The following IQCH variants were observed in gnomAD, a reference collection of about 807,000 sequenced individuals.
The protein encoded by IQCH is IQ domain-containing protein H.
IQCH carries 98 observed loss-of-function variants against 117.0 expected under a neutral mutation model. That is an observed-to-expected ratio of 0.84 (90% CI 0.71 to 0.99). The LOEUF (loss-of-function observed/expected upper bound fraction) is 0.99, where lower values mean the gene tolerates loss of function less well. Ranked by LOEUF, IQCH falls within the 50% of genes least tolerant of loss-of-function variation. The probability of loss-of-function intolerance (pLI) is 0.00; values close to 1 mark genes in which losing one functional copy is unlikely to be tolerated. For missense variants in IQCH, 1,102 were observed against 1,243.8 expected, an observed-to-expected ratio of 0.89 and a Z score of 1.72; for synonymous variants, 412 against 448.2, an observed-to-expected ratio of 0.92 and a Z score of 1.02.
At chr15:67,329,654 A>T (rs1372423305) in intron 4 of IQCH, among the ~76,000 whole-genome samples, 3 of 151,860 alleles carry the variant, frequency 2.0e-5, no homozygotes, top group South Asian at 2.1e-4. Context: ...TTTTTTGTGG[A>T]GCCTGGATCT....
rs954433816 is a variant in IQCH at position 67,391,542 on chromosome 15, A to G, written c.1632+2536A>G. 6.6e-6 allele frequency among the ~76,000 whole-genome samples: 1 copy of G among 152,214 alleles called. No homozygotes were observed. The highest frequency in any genetic ancestry group is 2.4e-5 in the African/African-American group (1 of 41,462). On this transcript the variant is annotated intron_variant, in intron 12 of 20. Coordinates refer to ENST00000335894, the MANE Select transcript of IQCH (RefSeq NM_001031715.3). This position sits in a 1 kb window ranked among gnomAD's most constrained non-coding sequence, Gnocchi z 4.3. ...CATTATGTCTATTTTTAGACATTTCAGTGTTTATGAAGACATCCTAAACAA... is the reference window on the plus strand; with the variant it reads ...CATTATGTCTATTTTTAGACATTTCGGTGTTTATGAAGACATCCTAAACAA...
Position 67,279,492 on chromosome 15 carries a change from C to T in IQCH, c.367C>T (p.Pro123Ser), listed in dbSNP as rs747452749. 7 of 1,595,284 alleles carry T rather than the reference C, an allele frequency of 4.4e-6. No individual in the cohort carries two copies. In the East Asian group the frequency reaches 9.0e-5, roughly 21 times the overall value. ...CCAAAGACAGCACAGTTCATCTCTG[C>T]CTGTCTTTCCAAGAGCAAAGGTAGG... ...QPQRQHSSSL[P>S]VFPRAKIKVS... Residue 123 changes from proline (P) to serine (S), a missense_variant, in exon 4 of 21, where the codon CCT becomes TCT. Around this residue, in one of 2 missense-constraint regions of IQCH, gnomAD observed 452 missense variants for 449.6 expected, o/e 1.01. Transcript: ENST00000335894.
At chr15:67,435,649 G>T (rs2140952350) in intron 16 of IQCH, among the ~76,000 whole-genome samples, 1 of 152,158 alleles carries the variant, frequency 6.6e-6, no homozygotes, top group Non-Finnish European at 1.5e-5. Flanking sequence ...GAGGCAGGTG[G>T]ATCACTTGAG....
chr15:67,447,163 G>A lies in IQCH; in HGVS notation c.2506-17964G>A, dbSNP rs1487629256. On this transcript the variant is annotated intron_variant, in intron 16 of 20. Coordinates refer to ENST00000335894, the MANE Select transcript of IQCH (RefSeq NM_001031715.3). This position sits in a 1 kb window ranked among gnomAD's most constrained non-coding sequence, Gnocchi z 5.3. ...TCAATTTTCCCTTCATAAAATGGGA[G>A]TATGAATACCAAACCCATAAAGTTG... Among the ~76,000 whole-genome samples, 1 of 152,204 alleles carries A rather than the reference G, an allele frequency of 6.6e-6. No homozygotes were observed. Among genetic ancestry groups the A allele is most frequent in the Non-Finnish European group, 1.5e-5 (1 of 68,038 alleles).
At position 67,445,456 on chromosome 15, in the gene IQCH, T is replaced by C. The variant is rs943653931; in HGVS notation, c.2506-19671T>C. On this transcript the variant is annotated intron_variant, in intron 16 of 20. Transcript: ENST00000335894. This position sits in a 1 kb window ranked among gnomAD's most constrained non-coding sequence, Gnocchi z 4.3. ...TCATGTCTGGTTTTTTTGTTTGTTT[T>C]TGAGATGGAGTCTTGCTCTGTCGCC... is the stretch of plus-strand genomic sequence containing the variant. Among the ~76,000 whole-genome samples the C allele has an allele frequency of 1.4e-5, 2 of 146,058 alleles. No individual in the cohort carries two copies. The highest frequency in any genetic ancestry group is 5.0e-5 in the African/African-American group (2 of 39,884).
At chr15:67,420,161 T>C (rs1013407624) in intron 15 of IQCH, among the ~76,000 whole-genome samples, 1 of 152,246 alleles carries the variant, frequency 6.6e-6, no homozygotes. Context: ...GATTTGAATA[T>C]GTACACTCCA....
chr15:67,417,746 C>T lies in IQCH; in HGVS notation c.2218+695C>T, dbSNP rs78364403. On this transcript the variant is annotated intron_variant, in intron 15 of 20. Transcript: ENST00000335894. The surrounding 1 kb of genome is among the most constrained non-coding windows in gnomAD (Gnocchi z 4.3). Reference sequence around the variant, plus strand: ...CTGTCAGATGTTACACAGAGGCACACCTATGCAACGGCCCTCAGTCTCTAG... The same window carrying T: ...CTGTCAGATGTTACACAGAGGCACATCTATGCAACGGCCCTCAGTCTCTAG... 4.1e-4 allele frequency among the ~76,000 whole-genome samples: 62 copies of T among 152,214 alleles called. No homozygotes were observed. In the East Asian group the frequency reaches 8.1e-3, roughly 20 times the overall value.
Position 67,384,947 on chromosome 15 carries a change from C to A in IQCH, c.1384C>A (p.Pro462Thr). 1 of 1,610,130 alleles carries A rather than the reference C, an allele frequency of 6.2e-7. No homozygotes were observed. Among genetic ancestry groups the A allele is most frequent in the Non-Finnish European group, 8.5e-7 (1 of 1,176,710 alleles). Residue 462 changes from proline (P) to threonine (T), a missense_variant, in exon 11 of 21, where the codon CCT becomes ACT. Transcript: ENST00000335894. This position sits in a 1 kb window ranked among gnomAD's most constrained non-coding sequence, Gnocchi z 4.3. Reference protein sequence around the residue: ...IHIPSLGYSQPVREHIADFNT... With the variant: ...IHIPSLGYSQTVREHIADFNT... ...TGTTTGCCTTTTAGGGTATTCCCAG[C>A]CTGTGAGAGAACATATTGCCGATTT... is the stretch of plus-strand genomic sequence containing the variant.
At chr15:67,373,968 G>C (rs1268684759) in intron 10 of IQCH, 1 of 158,890 alleles carries the variant, frequency 6.3e-6, no homozygotes, top group Non-Finnish European at 1.4e-5. Context: ...TAATTAAGAA[G>C]TTGAATAGTG....
intron 16 of IQCH, 147 bp downstream of exon 16, chr15:67,421,724 C>A: frequency 1.3e-6 from 1 of 776,416 alleles, no homozygotes; most frequent in Non-Finnish European, 2.0e-6. Flanking sequence ...CCTATATGGC[C>A]CATGCGAATC....
intron 16 of IQCH, among the ~76,000 whole-genome samples, chr15:67,438,667 C>T (rs2082195152): frequency 1.3e-5 from 2 of 152,284 alleles, no homozygotes; most frequent in South Asian, 4.1e-4. Context: ...CTTCAGGAGA[C>T]TCATCTAACA....
rs1170990002 is a variant in IQCH, at chr15:67,476,154, A to G, written c.2799+336A>G. Among the ~76,000 whole-genome samples the G allele has an allele frequency of 6.6e-6, 1 of 152,236 alleles. No homozygotes were observed. The highest frequency in any genetic ancestry group is 2.4e-5 in the African/African-American group (1 of 41,466). ...TTCCTGATCCCACCCAAAGCTGCTT[A>G]TCAATGAATAGCTTCTGTCTTAGTC... is the stretch of plus-strand genomic sequence containing the variant. On this transcript the variant is annotated intron_variant, in intron 18 of 20. Coordinates refer to ENST00000335894, the MANE Select transcript of IQCH (RefSeq NM_001031715.3). This position sits in a 1 kb window ranked among gnomAD's most constrained non-coding sequence, Gnocchi z 4.1.
At chr15:67,296,287 A>C (rs1288856446) in intron 4 of IQCH, among the ~76,000 whole-genome samples, 1 of 152,204 alleles carries the variant, frequency 6.6e-6, no homozygotes, top group African/African-American at 2.4e-5. Context: ...TGACCAGAAG[A>C]CACTGAAGAG....
At chr15:67,294,502 T>C (rs1197514426) in intron 4 of IQCH, among the ~76,000 whole-genome samples, 1 of 152,146 alleles carries the variant, frequency 6.6e-6, no homozygotes, top group East Asian at 1.9e-4. Context: ...CCAGGGAATA[T>C]TTTGCTTTTC....
rs1004485670 is a variant in IQCH at position 67,473,850 on chromosome 15, C to T, written c.2677-1846C>T. Among the ~76,000 whole-genome samples, 11 of 152,024 alleles carry T rather than the reference C, an allele frequency of 7.2e-5. No homozygotes were observed. Among genetic ancestry groups the T allele is most frequent in the Admixed American group, 2.6e-4 (4 of 15,292 alleles). On this transcript the variant is annotated intron_variant, in intron 17 of 20. Transcript: ENST00000335894. This position sits in a 1 kb window ranked among gnomAD's most constrained non-coding sequence, Gnocchi z 4.9. ...AAAATCCCAATGGCTACAAATGGGA[C>T]GCTACAAGTGGGGTAAACAACTCAA...
At chr15:67,418,263 T>C (rs1323174891) in intron 15 of IQCH, among the ~76,000 whole-genome samples, 1 of 152,106 alleles carries the variant, frequency 6.6e-6, no homozygotes, top group Admixed American at 6.6e-5. Flanking sequence ...CTGTTGGTTA[T>C]TGGAATATAC....
At chr15:67,335,883 T>G (rs72745452) in intron 4 of IQCH, among the ~76,000 whole-genome samples, 45,506 of 152,092 alleles carry the variant, frequency 0.3, 8,707 homozygotes, top group Non-Finnish European at 0.44. Flanking sequence ...GTGGGGGCCC[T>G]AACCCTTTGT....
chr15:67,332,738 C>G (rs1486788821), intron 4 of IQCH, among the ~76,000 whole-genome samples: 3 of 152,118 alleles, frequency 2.0e-5, no homozygotes, highest in Non-Finnish European at 4.4e-5. Flanking sequence ...TTCTAATTTT[C>G]TCACCATTTG....
intron 4 of IQCH, among the ~76,000 whole-genome samples, chr15:67,298,944 A>G (rs550206164): frequency 1.3e-5 from 2 of 152,278 alleles, no homozygotes; most frequent in Admixed American, 6.5e-5. Flanking sequence ...AAATCAGTGT[A>G]TCAAAGAGGT....
Sources: allele counts gnomAD v4.1 joint callset (sites outside exome capture counted in the v4.1 genomes callset), GRCh38; gene constraint gnomAD v4.1.1; regional missense constraint gnomAD v4.1.1; non-coding constraint Gnocchi (gnomAD v3.1); transcripts MANE v1.5; gene names NCBI Gene and HGNC (gene_info 2026-07-23, HGNC 2026-07-21).